SNX29: variants seen among roughly 807,000 people sequenced by gnomAD.
The protein encoded by SNX29 is sorting nexin-29.
In SNX29, 78 loss-of-function variants were observed where a neutral mutation model predicts 102.1. The observed-to-expected ratio is 0.76, with a 90% CI of 0.64 to 0.92. The LOEUF (loss-of-function observed/expected upper bound fraction) is 0.92, where lower values mean the gene tolerates loss of function less well. Ranked by LOEUF, SNX29 falls within the 40% of genes least tolerant of loss-of-function variation. The pLI is 0.00. For missense variants in SNX29, 1,280 were observed against 1,061.7 expected (o/e 1.21, Z -2.86); for synonymous variants, 580 against 414.5 (o/e 1.40, Z -4.85).
intron 14 of SNX29, among the ~76,000 whole-genome samples, chr16:12,256,695 C>T (rs1400026328): frequency 6.6e-6 from 1 of 152,116 alleles, no homozygotes; most frequent in African/African-American, 2.4e-5. Context: ...CTGCTATGTG[C>T]CAGGTACCAG....
chr16:12,362,224 A>G (rs898733356), intron 16 of SNX29, among the ~76,000 whole-genome samples: 2 of 152,106 alleles, frequency 1.3e-5, no homozygotes, highest in Non-Finnish European at 1.5e-5. Flanking sequence ...TTTTGTTTTT[A>G]CAGTAATGTT....
intron 3 of SNX29, among the ~76,000 whole-genome samples, chr16:12,023,146 C>T (rs1260291719): frequency 6.6e-6 from 1 of 152,102 alleles, no homozygotes; most frequent in Non-Finnish European, 1.5e-5. Flanking sequence ...ATCTACCTGC[C>T]TTGGCCTCCC....
chr16:12,538,387 G>T (rs1411599234), intron 20 of SNX29, among the ~76,000 whole-genome samples: 3 of 152,110 alleles, frequency 2.0e-5, no homozygotes, highest in African/African-American at 7.2e-5. Context: ...ACCGCGCCCG[G>T]CCTCCCCTTG....
chr16:12,084,736 CTG>C (rs2052078354), intron 11 of SNX29, among the ~76,000 whole-genome samples: 1 of 152,082 alleles, frequency 6.6e-6, no homozygotes, highest in South Asian at 2.1e-4. Context: ...ATGAAGATAA[CTG>C]TGATGTGCTT....
At chr16:12,139,970 T>A (rs1370268677) in intron 13 of SNX29, among the ~76,000 whole-genome samples, 2 of 89,588 alleles carry the variant, frequency 2.2e-5, no homozygotes, top group African/African-American at 4.5e-5. Context: ...GACAGAGAGA[T>A]ACCCTGTCTC....
chr16:12,018,984 A>G (rs1210592681), intron 3 of SNX29, among the ~76,000 whole-genome samples: 2 of 151,966 alleles, frequency 1.3e-5, no homozygotes, highest in African/African-American at 4.8e-5. Context: ...TAATATTACA[A>G]TCTAACCTTT....
At chr16:12,433,292 T>G (rs1450355565) in intron 18 of SNX29, among the ~76,000 whole-genome samples, 3 of 152,066 alleles carry the variant, frequency 2.0e-5, no homozygotes, top group Non-Finnish European at 4.4e-5. Context: ...TAACGTCCAC[T>G]GATTGGAACA....
chr16:12,461,968 AAAAAAAAAAAATATATATATATAT>A, intron 18 of SNX29, among the ~76,000 whole-genome samples: 1 of 68,538 alleles, frequency 1.5e-5, no homozygotes, highest in African/African-American at 7.5e-5. Context: ...AAAAAAAAAA[AAAAAAAAAAAATATATATATATAT>A]ATATATATAT....
At chr16:12,339,525 G>A (rs2081553503) in intron 15 of SNX29, among the ~76,000 whole-genome samples, 1 of 152,120 alleles carries the variant, frequency 6.6e-6, no homozygotes, top group Non-Finnish European at 1.5e-5. Context: ...AAGAAATGAA[G>A]CTTTTTGAGT....
intron 13 of SNX29, among the ~76,000 whole-genome samples, chr16:12,167,505 A>T (rs1167172124): frequency 6.6e-6 from 1 of 152,150 alleles, no homozygotes. Context: ...CATCAATATG[A>T]TCATCATCAT....
chr16:12,380,378 A>ACCCACCCACCCACCCATCATCTC (rs2083034898), intron 16 of SNX29, among the ~76,000 whole-genome samples: 1 of 23,126 alleles, frequency 4.3e-5, no homozygotes, highest in Non-Finnish European at 9.5e-5. Context: ...CCACTTATCC[A>ACCCACCCACCCACCCATCATCTC]CCCACCCACC....
intron 20 of SNX29, chr16:12,526,778 C>T: frequency 2.4e-6 from 1 of 424,992 alleles, no homozygotes; most frequent in Non-Finnish European, 4.4e-6. Context: ...AGTCAGTGTC[C>T]CCCACCCCCT....
chr16:12,180,742 C>T (rs1241908523), intron 13 of SNX29, among the ~76,000 whole-genome samples: 1 of 152,174 alleles, frequency 6.6e-6, no homozygotes, highest in Non-Finnish European at 1.5e-5. Context: ...GCCTCGGCCT[C>T]CCAAAGTGCT....
intron 20 of SNX29, among the ~76,000 whole-genome samples, chr16:12,542,288 T>A (rs1369732410): frequency 6.6e-6 from 1 of 152,146 alleles, no homozygotes; most frequent in Non-Finnish European, 1.5e-5. Context: ...ATGGAGGAAC[T>A]TGCCCAAGAT....
intron 1 of SNX29, among the ~76,000 whole-genome samples, chr16:11,990,664 A>G (rs1412279736): frequency 1.3e-5 from 2 of 152,088 alleles, no homozygotes; most frequent in African/African-American, 4.8e-5. Flanking sequence ...TGTAACTGAG[A>G]ATGAATTCTG....
At chr16:12,131,599 T>A (rs867107946) in intron 13 of SNX29, among the ~76,000 whole-genome samples, 1 of 152,248 alleles carries the variant, frequency 6.6e-6, no homozygotes, top group Non-Finnish European at 1.5e-5. Context: ...ATATGGTCAA[T>A]TTAGCATTCA....
At chr16:12,211,508 T>C (rs2077182269) in intron 14 of SNX29, among the ~76,000 whole-genome samples, 1 of 152,162 alleles carries the variant, frequency 6.6e-6, no homozygotes, top group African/African-American at 2.4e-5. Context: ...GTGGATGTGC[T>C]GAAGCTCACT....
chr16:12,292,923 G>A (rs753372038), intron 15 of SNX29, among the ~76,000 whole-genome samples: 1 of 152,084 alleles, frequency 6.6e-6, no homozygotes, highest in Non-Finnish European at 1.5e-5. Flanking sequence ...TTTTGCTAAC[G>A]TCCAGCTGAG....
chr16:12,107,298 A>G lies in SNX29; in HGVS notation c.1403-19335A>G, dbSNP rs563392707. 1.6e-3 allele frequency among the ~76,000 whole-genome samples: 244 copies of G among 151,370 alleles called. 1 individual carries two copies. The highest frequency in any genetic ancestry group is 5.2e-3 in the African/African-American group (213 of 41,282). ...GACAGCTGGCATCTGCTCCAGGTGG[A>G]AGACAGCACGGGCCAATCTGACTGA... On this transcript the variant is annotated intron_variant, in intron 11 of 20. Transcript: ENST00000566228.
Sources: allele counts gnomAD v4.1 joint callset (sites outside exome capture counted in the v4.1 genomes callset), GRCh38; gene constraint gnomAD v4.1.1; transcripts MANE v1.5; gene names NCBI Gene and HGNC (gene_info 2026-07-23, HGNC 2026-07-21).